GLIS3: variants seen among roughly 807,000 people sequenced by gnomAD.
The protein encoded by GLIS3 is GLIS family zinc finger 3.
A neutral mutation model predicts 78.6 loss-of-function variants in GLIS3; 53 were observed. The observed-to-expected ratio is 0.67, with a 90% CI of 0.54 to 0.85. The LOEUF is 0.85. Ranked by LOEUF, GLIS3 falls within the 40% of genes least tolerant of loss-of-function variation. GLIS3 has a pLI of 0.00. For synonymous variants in GLIS3, 684 were observed against 509.9 expected, an observed-to-expected ratio of 1.34 and a Z score of -4.60; for missense variants, 1,703 against 1,231.1, an observed-to-expected ratio of 1.38 and a Z score of -5.74.
intron 2 of GLIS3, among the ~76,000 whole-genome samples, chr9:4,184,372 C>T (rs1297422945): frequency 6.6e-6 from 1 of 152,152 alleles, no homozygotes; most frequent in African/African-American, 2.4e-5. Flanking sequence ...ATGCAGCAAC[C>T]AAATAAAGAA....
the GLIS3 span, among the ~76,000 whole-genome samples, chr9:4,358,822 G>A: frequency 6.6e-6 from 1 of 152,268 alleles, no homozygotes; most frequent in East Asian, 1.9e-4. Flanking sequence ...TGTGTAAAAG[G>A]TCCCTGTAAG....
intron 5 of GLIS3, among the ~76,000 whole-genome samples, chr9:3,936,216 G>A (rs1023998702): frequency 6.6e-6 from 1 of 152,108 alleles, no homozygotes. Context: ...GCTTTGTTAA[G>A]CGCAGTGAAA....
rs571584356 is a variant in GLIS3, at chr9:3,994,745, A to C, written c.1711-57556T>G. ...TTTTAAAAATCAAAACTGATTCCTT[A>C]TTTACTTCTTTCCCCAGCAATATGG... On this transcript the variant is annotated intron_variant, in intron 4 of 10. Transcript: ENST00000381971. 2.6e-5 allele frequency among the ~76,000 whole-genome samples: 4 copies of C among 152,244 alleles called. No homozygotes were observed. In the South Asian group the frequency reaches 8.3e-4, roughly 31 times the overall value.
At chr9:3,953,873 A>G (rs868800285) in intron 4 of GLIS3, among the ~76,000 whole-genome samples, 13 of 148,104 alleles carry the variant, frequency 8.8e-5, no homozygotes, top group African/African-American at 3.0e-4. Context: ...AAACACATGC[A>G]CACACATGCA....
intron 2 of GLIS3, among the ~76,000 whole-genome samples, chr9:4,183,941 G>A (rs950634308): frequency 1.3e-5 from 2 of 152,100 alleles, no homozygotes; most frequent in African/African-American, 2.4e-5. Context: ...ATTAAACTAA[G>A]TAGCTAAATT....
intron 4 of GLIS3, among the ~76,000 whole-genome samples, chr9:3,937,673 CAT>C (rs1223785276): frequency 5.3e-5 from 8 of 152,058 alleles, no homozygotes; most frequent in Admixed American, 3.3e-4. Context: ...ATGAAAAAGA[CAT>C]GTGTCCACTA....
At chr9:4,098,399 C>A (rs1462271225) in intron 4 of GLIS3, among the ~76,000 whole-genome samples, 1 of 152,092 alleles carries the variant, frequency 6.6e-6, no homozygotes, top group Non-Finnish European at 1.5e-5. Flanking sequence ...AGAAGGGACA[C>A]CACTAACATT....
chr9:4,297,204 A>C (rs1226154241), intron 1 of GLIS3, among the ~76,000 whole-genome samples: 1 of 152,178 alleles, frequency 6.6e-6, no homozygotes, highest in African/African-American at 2.4e-5. Context: ...GCTTACTCCC[A>C]AGGCAGAAAT....
At chr9:3,830,869 T>C (rs1818005767) in intron 9 of GLIS3, among the ~76,000 whole-genome samples, 1 of 152,214 alleles carries the variant, frequency 6.6e-6, no homozygotes, top group Non-Finnish European at 1.5e-5. Flanking sequence ...TCCAACCTAC[T>C]ATGCTCTCAA....
At chr9:4,116,492 G>C (rs1224592025) in intron 4 of GLIS3, among the ~76,000 whole-genome samples, 3 of 152,178 alleles carry the variant, frequency 2.0e-5, no homozygotes, top group Non-Finnish European at 4.4e-5. Context: ...GACAAGAAAT[G>C]CAATTCCATT....
chr9:4,094,571 A>T (rs1273836531), intron 4 of GLIS3, among the ~76,000 whole-genome samples: 1 of 152,220 alleles, frequency 6.6e-6, no homozygotes, highest in African/African-American at 2.4e-5. Flanking sequence ...TGGCAAATAC[A>T]ATTGAACATT....
chr9:4,216,508 G>T (rs577456158), intron 2 of GLIS3, among the ~76,000 whole-genome samples: 3 of 136,414 alleles, frequency 2.2e-5, no homozygotes, highest in South Asian at 2.4e-4. Context: ...GAAAAGAAAA[G>T]AAAAAGAAAA....
chr9:3,973,973 C>A (rs1452107775), intron 4 of GLIS3, among the ~76,000 whole-genome samples: 1 of 152,042 alleles, frequency 6.6e-6, no homozygotes, highest in African/African-American at 2.4e-5. Flanking sequence ...AAAGAAAATT[C>A]TTATAAAAAA....
intron 4 of GLIS3, among the ~76,000 whole-genome samples, chr9:3,962,477 C>G (rs2130886753): frequency 6.6e-6 from 1 of 152,158 alleles, no homozygotes; most frequent in East Asian, 1.9e-4. Flanking sequence ...AAGGGGGTAC[C>G]AGTTCCCTAA....
chr9:3,831,835 T>C (rs1326496575), intron 9 of GLIS3, among the ~76,000 whole-genome samples: 1 of 152,194 alleles, frequency 6.6e-6, no homozygotes, highest in African/African-American at 2.4e-5. Context: ...AAGACCATTA[T>C]AAGGTTCATG....
the GLIS3 span, among the ~76,000 whole-genome samples, chr9:4,454,978 C>T: frequency 1.3e-5 from 2 of 152,150 alleles, no homozygotes; most frequent in East Asian, 1.9e-4. Flanking sequence ...TTTATCTCCT[C>T]AAAACTATTA....
At chr9:4,479,125 C>T in the GLIS3 span, among the ~76,000 whole-genome samples, 3 of 152,054 alleles carry the variant, frequency 2.0e-5, no homozygotes, top group East Asian at 5.8e-4. Flanking sequence ...AGGATTTCAC[C>T]ATTTTGTCTA....
At chr9:4,407,582 G>C in the GLIS3 span, among the ~76,000 whole-genome samples, 1 of 152,342 alleles carries the variant, frequency 6.6e-6, no homozygotes, top group African/African-American at 2.4e-5. Context: ...GGGAGGCGGA[G>C]CTTGCGGTGA....
intron 2 of GLIS3, among the ~76,000 whole-genome samples, chr9:4,218,468 C>T (rs979700190): frequency 2.0e-5 from 3 of 152,140 alleles, no homozygotes; most frequent in Non-Finnish European, 2.9e-5. Flanking sequence ...TTAGTAAAGA[C>T]GGGGTTTCAC....
Sources: allele counts gnomAD v4.1 joint callset (sites outside exome capture counted in the v4.1 genomes callset), GRCh38; gene constraint gnomAD v4.1.1; transcripts MANE v1.5; gene names NCBI Gene and HGNC (gene_info 2026-07-23, HGNC 2026-07-21).